EEFSEC: variants seen among roughly 807,000 people sequenced by gnomAD.
EEFSEC encodes the protein selenocysteine-specific elongation factor.
In EEFSEC, 43 loss-of-function variants were observed where a neutral mutation model predicts 42.1. The observed-to-expected ratio is 1.02, with a 90% CI of 0.80 to 1.32. The LOEUF is 1.32. Ranked by LOEUF, EEFSEC falls within the 40% of genes most tolerant of loss-of-function variation. The probability of loss-of-function intolerance (pLI) is 0.00; values close to 1 mark genes in which losing one functional copy is unlikely to be tolerated. For missense variants in EEFSEC, 745 were observed against 803.6 expected (o/e 0.93, Z 0.88); for synonymous variants, 354 against 339.1 (o/e 1.04, Z -0.48).
chr3:128,415,842 C>A, the EEFSEC span, among the ~76,000 whole-genome samples: 1 of 152,182 alleles, frequency 6.6e-6, no homozygotes, highest in African/African-American at 2.4e-5. Context: ...GGGACCCCTG[C>A]TTCCTGGAGT....
At chr3:128,410,726 G>A (rs2068168039), downstream of EEFSEC, among the ~76,000 whole-genome samples, 1 of 152,142 alleles carries the variant, frequency 6.6e-6, no homozygotes, top group Non-Finnish European at 1.5e-5. Flanking sequence ...GCGGCCCTAG[G>A]GTGGGCCCCA....
chr3:128,326,562 A>C (rs1282669323), intron 4 of EEFSEC, among the ~76,000 whole-genome samples: 2 of 152,192 alleles, frequency 1.3e-5, no homozygotes, highest in African/African-American at 4.8e-5. Context: ...TCAAGCCAGC[A>C]GTGTGACAGA....
chr3:128,253,474 T>G (rs2066209310), intron 2 of EEFSEC, among the ~76,000 whole-genome samples: 1 of 152,224 alleles, frequency 6.6e-6, no homozygotes, highest in Non-Finnish European at 1.5e-5. Flanking sequence ...CCTGAACCCC[T>G]GCCCATGGAC....
At chr3:128,195,731 T>C (rs1014678955) in intron 1 of EEFSEC, among the ~76,000 whole-genome samples, 1 of 152,178 alleles carries the variant, frequency 6.6e-6, no homozygotes, top group African/African-American at 2.4e-5. Flanking sequence ...CCTTGGAAGA[T>C]AGGTTGGGGC....
chr3:128,250,909 TGG>T (rs2066178479), intron 2 of EEFSEC, among the ~76,000 whole-genome samples: 4 of 98,266 alleles, frequency 4.1e-5, no homozygotes, highest in Admixed American at 1.4e-4. Flanking sequence ...TAGTTTTTTT[TGG>T]TTTTTTTTTT....
At chr3:128,395,566 A>C (rs1188701506) in intron 6 of EEFSEC, among the ~76,000 whole-genome samples, 2 of 152,212 alleles carry the variant, frequency 1.3e-5, no homozygotes, top group South Asian at 4.1e-4. Flanking sequence ...AAAGAGGAGA[A>C]AACTAGCTCT....
intron 6 of EEFSEC, among the ~76,000 whole-genome samples, chr3:128,380,755 G>A (rs1000014546): frequency 6.6e-6 from 1 of 152,232 alleles, no homozygotes; most frequent in Admixed American, 6.5e-5. Flanking sequence ...GTACACCTGC[G>A]ACCTGTTGGG....
chr3:128,335,605 C>T (rs531215147), intron 4 of EEFSEC, among the ~76,000 whole-genome samples: 1 of 152,314 alleles, frequency 6.6e-6, no homozygotes, highest in South Asian at 2.1e-4. Context: ...GAAAGGACTT[C>T]AGCTTTTACA....
At chr3:128,226,044 T>A (rs1347023469) in intron 1 of EEFSEC, among the ~76,000 whole-genome samples, 4 of 152,094 alleles carry the variant, frequency 2.6e-5, no homozygotes, top group African/African-American at 9.7e-5. Context: ...AGAGCCCCAA[T>A]AAGAATCGGG....
At chr3:128,240,487 A>G (rs964109042) in intron 1 of EEFSEC, among the ~76,000 whole-genome samples, 2 of 152,110 alleles carry the variant, frequency 1.3e-5, no homozygotes, top group Non-Finnish European at 2.9e-5. Flanking sequence ...TTGGTCTTTA[A>G]AATGACCCTC....
intron 1 of EEFSEC, among the ~76,000 whole-genome samples, chr3:128,172,039 C>T (rs1334224385): frequency 2.6e-5 from 4 of 152,078 alleles, no homozygotes; most frequent in Admixed American, 2.0e-4. Context: ...CCTTAAGCAT[C>T]CTCAGATTTT....
At chr3:128,377,819 T>C (rs186585332) in intron 6 of EEFSEC, among the ~76,000 whole-genome samples, 1 of 152,386 alleles carries the variant, frequency 6.6e-6, no homozygotes, top group East Asian at 1.9e-4. Context: ...AGTGCCATTT[T>C]ATACTTCCAT....
At chr3:128,237,735 G>A (rs2066027951) in intron 1 of EEFSEC, among the ~76,000 whole-genome samples, 1 of 152,048 alleles carries the variant, frequency 6.6e-6, no homozygotes, top group Non-Finnish European at 1.5e-5. Flanking sequence ...TTTATTTTTT[G>A]CCTTGATGTC....
At chr3:128,311,370 G>T (rs1011082510) in intron 4 of EEFSEC, among the ~76,000 whole-genome samples, 2 of 152,234 alleles carry the variant, frequency 1.3e-5, no homozygotes, top group Non-Finnish European at 2.9e-5. Context: ...GAAGAAGCAT[G>T]GACATGTTAA....
intron 5 of EEFSEC, among the ~76,000 whole-genome samples, chr3:128,354,241 A>G (rs2067425235): frequency 6.6e-6 from 1 of 152,128 alleles, no homozygotes; most frequent in African/African-American, 2.4e-5. Flanking sequence ...TTCGCAGGAG[A>G]GTATGCTTCA....
chr3:128,181,641 T>C (rs2065406842), intron 1 of EEFSEC, among the ~76,000 whole-genome samples: 1 of 152,206 alleles, frequency 6.6e-6, no homozygotes. Context: ...CCCCAGTATG[T>C]CTGATCCTTA....
chr3:128,190,051 C>T lies in EEFSEC; in HGVS notation c.316+36228C>T, dbSNP rs532878215. Among the ~76,000 whole-genome samples the T allele has an allele frequency of 4.6e-5, 7 of 152,074 alleles. No individual in the cohort carries two copies. In the South Asian group the frequency reaches 6.2e-4, roughly 14 times the overall value. On this transcript the variant is annotated intron_variant, in intron 1 of 6. Coordinates refer to ENST00000254730, the MANE Select transcript of EEFSEC (RefSeq NM_021937.5). ...CAAATTTTCTGTATTTTAGTAGAGA[C>T]GGGGTTTCACCATGTCCCCCAGGCT...
At chr3:128,327,642 C>T (rs1054800947) in intron 4 of EEFSEC, among the ~76,000 whole-genome samples, 3 of 152,142 alleles carry the variant, frequency 2.0e-5, no homozygotes, top group African/African-American at 7.2e-5. Flanking sequence ...AGGCATTCCA[C>T]ATGGATAAAC....
chr3:128,241,158 TG>T (rs1426398472), intron 1 of EEFSEC, among the ~76,000 whole-genome samples: 1 of 150,700 alleles, frequency 6.6e-6, no homozygotes. Flanking sequence ...TGACCTGACT[TG>T]GTTACTTCAC....
Sources: gnomAD v4.1 joint callset for allele counts (sites outside exome capture counted in the v4.1 genomes callset) on GRCh38, gnomAD v4.1.1 for gene constraint, MANE v1.5 for transcripts, NCBI Gene and HGNC (gene_info 2026-07-23, HGNC 2026-07-21) for gene names.